The following BLTP2 variants were observed in gnomAD, a reference collection of about 807,000 sequenced individuals.
The protein encoded by BLTP2 is bridge-like lipid transfer protein family member 2, also known as U937-associated antigen.
chr17:28,635,396 G>T, the BLTP2 span: 6 of 1,614,246 alleles, frequency 3.7e-6, no homozygotes, highest in Non-Finnish European at 5.1e-6. Context: ...TCCAGGGTTA[G>T]GTTTAGCAGC....
chr17:28,632,018 G>A, the BLTP2 span: 2 of 1,608,130 alleles, frequency 1.2e-6, no homozygotes, highest in Non-Finnish European at 1.7e-6. Context: ...AGAATAAAGT[G>A]AAGATGTCAG....
At chr17:28,635,795 A>T in the BLTP2 span, 73 of 575,960 alleles carry the variant, frequency 1.3e-4, no homozygotes, top group Non-Finnish European at 1.9e-4. Context: ...CTGACAGTTG[A>T]TAGTGTCTGA....
the BLTP2 span, among the ~76,000 whole-genome samples, chr17:28,625,336 A>G: frequency 5.0e-4 from 72 of 143,394 alleles, no homozygotes; most frequent in African/African-American, 1.7e-3. Flanking sequence ...CTCCGTCTCA[A>G]AAAAAAAAAA....
the BLTP2 span, chr17:28,624,424 A>G: frequency 1.9e-6 from 3 of 1,595,200 alleles, no homozygotes; most frequent in Non-Finnish European, 1.7e-6. Flanking sequence ...GAAAGGTCAC[A>G]GTCTCAAAGG....
the BLTP2 span, chr17:28,642,934 G>A: frequency 1.2e-6 from 2 of 1,611,718 alleles, no homozygotes; most frequent in East Asian, 4.5e-5. Flanking sequence ...AGGACTCAGA[G>A]GTATCCACCT....
At chr17:28,633,470 C>T in the BLTP2 span, 1 of 1,572,074 alleles carries the variant, frequency 6.4e-7, no homozygotes, top group South Asian at 1.1e-5. Flanking sequence ...AAATCAGCAC[C>T]TGTCTCTCTT....
the BLTP2 span, chr17:28,617,162 T>C: frequency 7.3e-7 from 1 of 1,365,256 alleles, no homozygotes; most frequent in East Asian, 2.3e-5. Flanking sequence ...GGATTTATAC[T>C]GAAGGGCCGT....
At chr17:28,637,321 C>T in the BLTP2 span, 1 of 668,944 alleles carries the variant, frequency 1.5e-6, no homozygotes, top group East Asian at 2.7e-5. Context: ...CTTTCCCTTT[C>T]CCATCTTAAC....
chr17:28,642,784 A>G, the BLTP2 span: 4 of 767,870 alleles, frequency 5.2e-6, no homozygotes, highest in Non-Finnish European at 9.3e-6. Context: ...GCACAGAATG[A>G]GAACTTAACA....
At chr17:28,645,158 G>A in the BLTP2 span, 8 of 964,336 alleles carry the variant, frequency 8.3e-6, no homozygotes, top group Admixed American at 4.3e-5. Flanking sequence ...TGCGCGCGCA[G>A]GAGCAACGCT....
chr17:28,643,687 G>A, the BLTP2 span: 2 of 1,610,036 alleles, frequency 1.2e-6, no homozygotes, highest in Non-Finnish European at 1.7e-6. Context: ...AAAGCTCTGT[G>A]TGCTAGCTGC....
chr17:28,637,858 C>T, the BLTP2 span: 4 of 1,614,058 alleles, frequency 2.5e-6, no homozygotes, highest in Non-Finnish European at 3.4e-6. Flanking sequence ...AAAGGGTAAA[C>T]AAGTTCATGT....
the BLTP2 span, chr17:28,624,024 A>G: frequency 1.7e-5 from 26 of 1,527,094 alleles, no homozygotes; most frequent in Non-Finnish European, 2.0e-5. Flanking sequence ...TAGTGAGCAC[A>G]TTGTATCAAC....
chr17:28,629,634 C>G, the BLTP2 span, among the ~76,000 whole-genome samples: 3 of 152,130 alleles, frequency 2.0e-5, no homozygotes, highest in African/African-American at 7.2e-5. Context: ...CCTGCCACCA[C>G]GCCCAGCAAA....
chr17:28,618,543 TTC>T, the BLTP2 span, among the ~76,000 whole-genome samples: 2 of 152,170 alleles, frequency 1.3e-5, no homozygotes, highest in African/African-American at 4.8e-5. Flanking sequence ...ATTATTTTAT[TTC>T]TTTGTTCATT....
the BLTP2 span, chr17:28,643,728 G>A: frequency 2.1e-6 from 3 of 1,430,144 alleles, no homozygotes; most frequent in Non-Finnish European, 3.0e-6. Context: ...TGACAAGCCA[G>A]GAAATGTTCT....
chr17:28,625,210 C>T, the BLTP2 span, among the ~76,000 whole-genome samples: 1 of 151,486 alleles, frequency 6.6e-6, no homozygotes, highest in African/African-American at 2.4e-5. Context: ...GTGGCATGCA[C>T]CTGTAATCCC....
the BLTP2 span, chr17:28,638,477 TC>T: frequency 2.5e-6 from 4 of 1,598,644 alleles, no homozygotes; most frequent in Admixed American, 5.0e-5. Context: ...TGGGCCTAGC[TC>T]CACTAACGGA....
the BLTP2 span, among the ~76,000 whole-genome samples, chr17:28,636,468 A>G: frequency 6.6e-6 from 1 of 152,214 alleles, no homozygotes; most frequent in Non-Finnish European, 1.5e-5. Context: ...TCAGAGATGC[A>G]TAGTGAAATA....
Sources: allele counts gnomAD v4.1 joint callset (sites outside exome capture counted in the v4.1 genomes callset), GRCh38; gene constraint gnomAD v4.1.1; transcripts MANE v1.5; gene names NCBI Gene and HGNC (gene_info 2026-07-23, HGNC 2026-07-21).